Variants in PRKN observed in about 807,000 individuals in gnomAD.
PRKN encodes the protein E3 ubiquitin-protein ligase parkin.
Under a neutral mutation model 59.5 loss-of-function variants are expected in PRKN, and 56 were observed. That is an observed-to-expected ratio of 0.94 (90% confidence interval 0.76 to 1.18). The LOEUF (loss-of-function observed/expected upper bound fraction) is 1.18. PRKN is among the 50% of genes most tolerant of loss of function. PRKN has a pLI of 0.00. For missense variants in PRKN, 657 were observed against 596.4 expected (o/e 1.10, Z -1.06); for synonymous variants, 250 against 222.1 (o/e 1.13, Z -1.12).
chr6:161,747,571 C>T (rs903761957), intron 7 of PRKN, among the ~76,000 whole-genome samples: 1 of 152,128 alleles, frequency 6.6e-6, no homozygotes. Flanking sequence ...AAACAATTAA[C>T]TGTAGAAAAC....
chr6:162,178,393 T>A (rs931856452), intron 4 of PRKN, among the ~76,000 whole-genome samples: 7 of 152,190 alleles, frequency 4.6e-5, no homozygotes, highest in African/African-American at 1.7e-4. Flanking sequence ...TTGGGAGTGT[T>A]CGCTCAGCAA....
intron 1 of PRKN, among the ~76,000 whole-genome samples, chr6:162,493,219 G>A (rs1362599807): frequency 6.6e-6 from 1 of 152,142 alleles, no homozygotes; most frequent in Non-Finnish European, 1.5e-5. Flanking sequence ...GGAAGAGAGA[G>A]GCAATTTAAA....
chr6:162,237,080 C>T (rs759146010), intron 3 of PRKN, among the ~76,000 whole-genome samples: 30 of 152,136 alleles, frequency 2.0e-4, no homozygotes, highest in Non-Finnish European at 3.7e-4. Context: ...TTTCTAATAA[C>T]GTCTACTCTT....
intron 4 of PRKN, among the ~76,000 whole-genome samples, chr6:162,080,189 T>C (rs1411070989): frequency 6.6e-6 from 1 of 152,026 alleles, no homozygotes; most frequent in African/African-American, 2.4e-5. Context: ...AATACAGAAT[T>C]TAGAAGAAAA....
At chr6:162,276,676 C>G (rs9456756) in intron 2 of PRKN, among the ~76,000 whole-genome samples, 22,950 of 147,618 alleles carry the variant, frequency 0.16, 1,955 homozygotes, top group Admixed American at 0.25. Flanking sequence ...TCTGCTTTAC[C>G]TCTAACAGAA....
At chr6:162,338,152 T>C (rs1411260533) in intron 2 of PRKN, among the ~76,000 whole-genome samples, 2 of 152,096 alleles carry the variant, frequency 1.3e-5, no homozygotes, top group Non-Finnish European at 2.9e-5. Context: ...GTTCTTACCA[T>C]CTCCAGGAGA....
chr6:162,478,673 C>T (rs1338630171), intron 1 of PRKN, among the ~76,000 whole-genome samples: 3 of 152,144 alleles, frequency 2.0e-5, no homozygotes, highest in Non-Finnish European at 4.4e-5. Context: ...GGGAACACCA[C>T]GGAAGGGACT....
intron 6 of PRKN, among the ~76,000 whole-genome samples, chr6:161,848,576 T>C (rs1197443597): frequency 6.6e-6 from 1 of 152,180 alleles, no homozygotes; most frequent in East Asian, 1.9e-4. Flanking sequence ...ACGTCTCAGT[T>C]TTTCCCAAAT....
chr6:161,427,825 A>G (rs187211605), intron 9 of PRKN, among the ~76,000 whole-genome samples: 47 of 152,256 alleles, frequency 3.1e-4, no homozygotes, highest in African/African-American at 9.4e-4. Context: ...TTCACTTGCA[A>G]TCTGCAGATT....
Position 161,646,198 on chromosome 6 carries a change from A to G in PRKN, c.872-76782T>C, listed in dbSNP as rs113348049. Among the ~76,000 whole-genome samples, 87 of 45,038 alleles carry G rather than the reference A, an allele frequency of 1.9e-3. 14 individuals are homozygous for G. Among genetic ancestry groups the G allele is most frequent in the South Asian group, 4.1e-3 (7 of 1,702 alleles). 29.5% of individuals were successfully genotyped at this position (45,038 alleles called of 152,430 possible). A position where few individuals can be genotyped will look rare whatever the true frequency, so the allele number is the denominator to read the frequency against. On this transcript the variant is annotated intron_variant, in intron 7 of 11. Coordinates refer to ENST00000366898, the MANE Select transcript of PRKN (RefSeq NM_004562.3). ...GTGACTGCGTGTGCGTGCGTGGTGG[A>G]GGAGGCGGCGTATCAGTGACAGTGG...
intron 7 of PRKN, among the ~76,000 whole-genome samples, chr6:161,746,939 A>C (rs1176875501): frequency 1.3e-5 from 2 of 151,624 alleles, no homozygotes; most frequent in Admixed American, 6.6e-5. Flanking sequence ...ACCCTAGCAA[A>C]GATCTTATCC....
chr6:161,791,194 C>G (rs1790623310), intron 6 of PRKN, among the ~76,000 whole-genome samples: 1 of 152,130 alleles, frequency 6.6e-6, no homozygotes, highest in South Asian at 2.1e-4. Context: ...CTTTCCTTGA[C>G]AATGCCAAAG....
chr6:162,359,069 A>ATAT (rs1264283946), intron 2 of PRKN, among the ~76,000 whole-genome samples: 4 of 96,756 alleles, frequency 4.1e-5, no homozygotes, highest in African/African-American at 1.9e-4. Context: ...CAAAAAAAAA[A>ATAT]AAAAAAAAAA....
intron 9 of PRKN, among the ~76,000 whole-genome samples, chr6:161,523,741 GTA>G (rs1778920840): frequency 2.0e-5 from 3 of 152,288 alleles, no homozygotes; most frequent in African/African-American, 2.4e-5. Context: ...TTCATGGAAA[GTA>G]AGTATTTATC....
chr6:162,343,051 C>T (rs998398734), intron 2 of PRKN, among the ~76,000 whole-genome samples: 1 of 151,972 alleles, frequency 6.6e-6, no homozygotes, highest in Non-Finnish European at 1.5e-5. Flanking sequence ...AAGTAGAAGT[C>T]GAGTTTGTTT....
chr6:161,952,034 CCTTCA>C (rs1780009459), intron 6 of PRKN, among the ~76,000 whole-genome samples: 1 of 152,004 alleles, frequency 6.6e-6, no homozygotes, highest in Non-Finnish European at 1.5e-5. Flanking sequence ...AAAACAATAT[CCTTCA>C]GTTGACAAGA....
intron 1 of PRKN, among the ~76,000 whole-genome samples, chr6:162,532,901 C>T (rs1003874872): frequency 2.0e-5 from 3 of 152,202 alleles, no homozygotes; most frequent in African/African-American, 7.2e-5. Context: ...TTGCCAGAAG[C>T]AGGAACTGGA....
intron 1 of PRKN, among the ~76,000 whole-genome samples, chr6:162,601,044 A>C (rs148005106): frequency 4.6e-5 from 7 of 152,320 alleles, no homozygotes; most frequent in African/African-American, 1.7e-4. Flanking sequence ...AAATTACAGA[A>C]GTTTATTGGG....
chr6:162,532,340 C>G (rs886693655), intron 1 of PRKN, among the ~76,000 whole-genome samples: 1 of 152,244 alleles, frequency 6.6e-6, no homozygotes, highest in Non-Finnish European at 1.5e-5. Context: ...GCTAAGTCTA[C>G]ATCACGGAGA....
Sources: allele counts gnomAD v4.1 joint callset (sites outside exome capture counted in the v4.1 genomes callset), GRCh38; gene constraint gnomAD v4.1.1; transcripts MANE v1.5; gene names NCBI Gene and HGNC (gene_info 2026-07-23, HGNC 2026-07-21).